SRRM3: variants seen among roughly 807,000 people sequenced by gnomAD.
SRRM3 encodes serine/arginine repetitive matrix 3.
Under a neutral mutation model 66.2 loss-of-function variants are expected in SRRM3, and 27 were observed. The observed-to-expected ratio is 0.41, with a 90% CI of 0.30 to 0.56. The LOEUF (loss-of-function observed/expected upper bound fraction) is 0.56, where lower values mean the gene tolerates loss of function less well. SRRM3 is among the 20% of genes least tolerant of loss of function. The pLI, the probability that SRRM3 is intolerant of heterozygous loss-of-function variation, is 0.32. For synonymous variants in SRRM3, 391 were observed against 414.9 expected (o/e 0.94, Z 0.70); for missense variants, 918 against 991.9 (o/e 0.93, Z 1.00).
At chr7:76,271,505 A>G (rs1227405999) in intron 11 of SRRM3, among the ~76,000 whole-genome samples, 1 of 151,786 alleles carries the variant, frequency 6.6e-6, no homozygotes. Flanking sequence ...AAAGCTGGGC[A>G]TGGTGGAATA....
At chr7:76,225,380 T>G (rs1800834061) in intron 1 of SRRM3, among the ~76,000 whole-genome samples, 1 of 152,170 alleles carries the variant, frequency 6.6e-6, no homozygotes, top group Admixed American at 6.5e-5. Context: ...GTGGAGGCTC[T>G]GAGTCCTGAC....
At chr7:76,203,733 C>A (rs1800219678) in intron 1 of SRRM3, among the ~76,000 whole-genome samples, 1 of 151,830 alleles carries the variant, frequency 6.6e-6, no homozygotes, top group Non-Finnish European at 1.5e-5. Flanking sequence ...AGAAATGAAG[C>A]TTGAGTGACT....
At chr7:76,276,285 G>A (rs1487598116) in intron 11 of SRRM3, among the ~76,000 whole-genome samples, 3 of 152,094 alleles carry the variant, frequency 2.0e-5, no homozygotes, top group African/African-American at 7.2e-5. Context: ...GCCCCATCTG[G>A]ATGTCCATGC....
intron 3 of SRRM3, 46 bp from the exon 4 acceptor site, chr7:76,259,860 G>A (rs1554608259): frequency 4.4e-6 from 7 of 1,598,216 alleles, no homozygotes; most frequent in Non-Finnish European, 5.9e-6. Flanking sequence ...AAGGGGTGAA[G>A]AAAAGTCGTC....
intron 3 of SRRM3, among the ~76,000 whole-genome samples, chr7:76,248,978 T>A (rs1801508203): frequency 6.6e-6 from 1 of 151,682 alleles, no homozygotes; most frequent in Non-Finnish European, 1.5e-5. Context: ...AGATTCCATC[T>A]CAAAAAATAA....
intron 1 of SRRM3, among the ~76,000 whole-genome samples, chr7:76,215,606 T>C (rs1433336834): frequency 6.7e-6 from 1 of 149,344 alleles, no homozygotes; most frequent in Non-Finnish European, 1.5e-5. Flanking sequence ...GTCAGGGTCT[T>C]GCTATGTTGC....
chr7:76,282,196 C>T (rs1216906158), intron 12 of SRRM3, among the ~76,000 whole-genome samples: 1 of 150,034 alleles, frequency 6.7e-6, no homozygotes, highest in African/African-American at 2.5e-5. Context: ...CCTCCAAACT[C>T]CAGGGAGTTT....
At position 76,235,167 on chromosome 7, in the gene SRRM3, G is replaced by A. The variant is rs781798287; in HGVS notation, c.101G>A (p.Arg34Gln). 8 of 1,552,194 alleles carry A rather than the reference G, an allele frequency of 5.2e-6. No individual in the cohort carries two copies. Among genetic ancestry groups the A allele is most frequent in the Non-Finnish European group, 6.1e-6 (7 of 1,156,892 alleles). ...QPSSSSGTWP[R>Q]AEEELRAAEP... ...AGCTCCTCCTCGGGGACCTGGCCGC[G>A]GGCGGAAGAGGAGCTGCGCGCCGCG... is the stretch of plus-strand genomic sequence containing the variant. Residue 34 changes from arginine to glutamine, a missense_variant, in exon 2 of 15, where the codon CGG (arginine) becomes CAG (glutamine). Arg to Gln is a conservative substitution (Grantham distance 43, BLOSUM62 1). Transcript: ENST00000611745.
At chr7:76,220,022 G>T (rs1181457459) in intron 1 of SRRM3, among the ~76,000 whole-genome samples, 1 of 152,216 alleles carries the variant, frequency 6.6e-6, no homozygotes, top group Non-Finnish European at 1.5e-5. Context: ...CATAGTGAGA[G>T]CAGTGACCAA....
In SRRM3 at chr7:76,254,819, AG is replaced by A. The variant is rs140587725; in HGVS notation, c.336-5086del. Among the ~76,000 whole-genome samples the A allele has an allele frequency of 2.4e-3, 369 of 152,104 alleles. 2 individuals carry two copies. Among genetic ancestry groups the A allele is most frequent in the African/African-American group, 8.5e-3 (354 of 41,474 alleles). On this transcript the variant is annotated intron_variant, in intron 3 of 14. Transcript: ENST00000611745. ...GGCCCTGGAAGGATGGGGCTTGATGAGCTGAGGGTGCTGGGAATTTTAGGGA... is the reference window on the plus strand; with the variant it reads ...GGCCCTGGAAGGATGGGGCTTGATGACTGAGGGTGCTGGGAATTTTAGGGA...
chr7:76,252,229 A>G lies in SRRM3; in HGVS notation c.335+3940A>G, dbSNP rs1801598136. On this transcript the variant is annotated intron_variant, in intron 3 of 14. Coordinates refer to ENST00000611745, the MANE Select transcript of SRRM3 (RefSeq NM_001110199.3). Reference sequence around the variant, plus strand: ...GCTGGAAGACCTCATGCTGGCTTACATCTCCAGCAGGGAAGGTCAGCCAGC... The same window carrying G: ...GCTGGAAGACCTCATGCTGGCTTACGTCTCCAGCAGGGAAGGTCAGCCAGC... 2.6e-5 allele frequency among the ~76,000 whole-genome samples: 4 copies of G among 152,356 alleles called. No individual in the cohort carries two copies. In the South Asian group the frequency reaches 8.3e-4, roughly 32 times the overall value.
At chr7:76,265,269 A>G in intron 9 of SRRM3, 95 bp from the exon 10 acceptor site, 1 of 806,356 alleles carries the variant, frequency 1.2e-6, no homozygotes, top group East Asian at 2.9e-5. Context: ...GTAGGGTTCC[A>G]CTGGGATCCT....
chr7:76,266,328 A>C (rs1193196459), intron 10 of SRRM3, among the ~76,000 whole-genome samples: 1 of 116,930 alleles, frequency 8.6e-6, no homozygotes, highest in Non-Finnish European at 1.6e-5. Context: ...TAATATAAAT[A>C]TTAATATATA....
At chr7:76,216,111 T>C (rs1291779004) in intron 1 of SRRM3, among the ~76,000 whole-genome samples, 1 of 138,586 alleles carries the variant, frequency 7.2e-6, no homozygotes, top group Non-Finnish European at 1.6e-5. Flanking sequence ...CCGGCCCACA[T>C]CTGGCTAATT....
At chr7:76,212,630 G>A (rs954217714) in intron 1 of SRRM3, among the ~76,000 whole-genome samples, 10 of 150,464 alleles carry the variant, frequency 6.6e-5, no homozygotes, top group South Asian at 2.1e-4. Context: ...CACCATGCCC[G>A]GCTAATTTTT....
intron 6 of SRRM3, 52 bp from the exon 7 acceptor site, chr7:76,261,300 G>GCCCCCCCC: frequency 3.5e-5 from 18 of 519,208 alleles, no homozygotes; most frequent in South Asian, 1.1e-4. Context: ...GCCATTTCCA[G>GCCCCCCCC]CCCCCCACCC....
intron 10 of SRRM3, among the ~76,000 whole-genome samples, chr7:76,266,487 T>C (rs1417991820): frequency 8.1e-5 from 9 of 111,322 alleles, no homozygotes; most frequent in Middle Eastern, 4.9e-3. Flanking sequence ...ATATATTTTA[T>C]ATATTTATAT....
At chr7:76,216,676 G>A (rs1198135034) in intron 1 of SRRM3, among the ~76,000 whole-genome samples, 2 of 152,344 alleles carry the variant, frequency 1.3e-5, no homozygotes, top group South Asian at 2.1e-4. Context: ...ATTGCTTTCT[G>A]GGGAGGAGAG....
intron 3 of SRRM3, among the ~76,000 whole-genome samples, chr7:76,256,520 A>G (rs1241521297): frequency 6.6e-6 from 1 of 151,528 alleles, no homozygotes; most frequent in East Asian, 1.9e-4. Context: ...AAAAAAAAAG[A>G]ATGGCTACTT....
Sources: gnomAD v4.1 joint callset for allele counts (sites outside exome capture counted in the v4.1 genomes callset) on GRCh38, gnomAD v4.1.1 for gene constraint, MANE v1.5 for transcripts, NCBI Gene and HGNC (gene_info 2026-07-23, HGNC 2026-07-21) for gene names.